Variants in AGBL1 observed in about 807,000 individuals in gnomAD.
The protein encoded by AGBL1 is cytosolic carboxypeptidase 4.
A neutral mutation model predicts 118.9 loss-of-function variants in AGBL1; 130 were observed. The observed-to-expected ratio is 1.09, with a 90% CI of 0.95 to 1.26. AGBL1 has a LOEUF of 1.26. Among genes scored for constraint, AGBL1 ranks in the 50% most tolerant of loss-of-function variants. AGBL1 has a pLI of 0.00. For synonymous variants in AGBL1, 555 were observed against 478.9 expected, an observed-to-expected ratio of 1.16 and a Z score of -2.08; for missense variants, 1,584 against 1,298.1, an observed-to-expected ratio of 1.22 and a Z score of -3.38.
chr15:86,487,734 T>A (rs2082730810), intron 18 of AGBL1, among the ~76,000 whole-genome samples: 1 of 152,106 alleles, frequency 6.6e-6, no homozygotes, highest in East Asian at 1.9e-4. Flanking sequence ...TTTCTTTCAG[T>A]TGTCCAACAA....
chr15:86,385,164 A>T (rs1418004340), intron 17 of AGBL1, among the ~76,000 whole-genome samples: 1 of 152,238 alleles, frequency 6.6e-6, no homozygotes, highest in African/African-American at 2.4e-5. Flanking sequence ...GTCTCACTCA[A>T]TATCTATGTC....
intron 18 of AGBL1, among the ~76,000 whole-genome samples, chr15:86,442,188 T>C (rs2082072059): frequency 6.6e-6 from 1 of 152,180 alleles, no homozygotes; most frequent in Admixed American, 6.5e-5. Context: ...TAAAGGCATA[T>C]GGTCAGGTCA....
chr15:86,769,293 A>G (rs1039183766), intron 22 of AGBL1, among the ~76,000 whole-genome samples: 1 of 151,840 alleles, frequency 6.6e-6, no homozygotes, highest in African/African-American at 2.4e-5. Flanking sequence ...GGGAAAAGGA[A>G]TGAGAGTTCT....
chr15:86,396,341 T>A (rs1180700095), intron 17 of AGBL1, among the ~76,000 whole-genome samples: 1 of 151,728 alleles, frequency 6.6e-6, no homozygotes, highest in African/African-American at 2.4e-5. Flanking sequence ...ATTTCAGCAC[T>A]ATGATACTCC....
chr15:86,384,432 C>T (rs776056125), intron 17 of AGBL1, among the ~76,000 whole-genome samples: 1 of 152,046 alleles, frequency 6.6e-6, no homozygotes, highest in Non-Finnish European at 1.5e-5. Flanking sequence ...TTTCCTGATG[C>T]GATTACACAC....
In AGBL1 at chr15:86,541,616, AAGAG is replaced by A. The variant is rs1231412909; in HGVS notation, c.2686-4370_2686-4367del. ...CTCAAAAAAAAAAAAAAAAAAAAAAAAGAGAGAGAGAGAGAGAGACCCACTGCTC... is the reference window on the plus strand; with the variant it reads ...CTCAAAAAAAAAAAAAAAAAAAAAAAAGAGAGAGAGAGAGACCCACTGCTC... On this transcript the variant is annotated intron_variant, in intron 19 of 22. Coordinates refer to ENST00000614907, the MANE Select transcript of AGBL1 (RefSeq NM_001386094.1). 2.1e-3 allele frequency among the ~76,000 whole-genome samples: 206 copies of A among 97,060 alleles called. 5 individuals carry two copies. Among genetic ancestry groups the A allele is most frequent in the Middle Eastern group, 9.9e-3 (2 of 202 alleles). 63.7% of individuals were successfully genotyped at this position (97,060 alleles called of 152,430 possible).
intron 21 of AGBL1, among the ~76,000 whole-genome samples, chr15:86,580,255 T>C (rs2084155141): frequency 6.6e-6 from 1 of 152,208 alleles, no homozygotes; most frequent in African/African-American, 2.4e-5. Context: ...CACTCCAAAA[T>C]TCTGACTATA....
intron 21 of AGBL1, among the ~76,000 whole-genome samples, chr15:86,564,378 C>A (rs534566152): frequency 6.6e-6 from 1 of 152,254 alleles, no homozygotes; most frequent in South Asian, 2.1e-4. Context: ...TTTATTTCTC[C>A]TTCATTTATG....
At chr15:86,472,413 T>G (rs1023276467) in intron 18 of AGBL1, among the ~76,000 whole-genome samples, 4 of 152,220 alleles carry the variant, frequency 2.6e-5, no homozygotes, top group African/African-American at 7.2e-5. Flanking sequence ...ATTAATTGGT[T>G]CCTCAACAAG....
At chr15:86,130,591 A>G (rs2076806915) in intron 1 of AGBL1, among the ~76,000 whole-genome samples, 1 of 152,200 alleles carries the variant, frequency 6.6e-6, no homozygotes, top group Non-Finnish European at 1.5e-5. Flanking sequence ...TTTTGTAGAA[A>G]CACCTGAGTA....
chr15:86,951,562 G>T (rs941776794), intron 23 of AGBL1, among the ~76,000 whole-genome samples: 5 of 152,280 alleles, frequency 3.3e-5, no homozygotes, highest in South Asian at 2.1e-4. Flanking sequence ...AGATGCAAAA[G>T]ATCATATTAA....
intron 4 of AGBL1, among the ~76,000 whole-genome samples, chr15:86,156,657 T>C (rs2077195530): frequency 6.6e-6 from 1 of 152,196 alleles, no homozygotes; most frequent in Non-Finnish European, 1.5e-5. Context: ...CCCCGCCCTA[T>C]GCTTTTCCCT....
At chr15:86,530,624 A>G (rs1011036896) in intron 19 of AGBL1, among the ~76,000 whole-genome samples, 4 of 151,518 alleles carry the variant, frequency 2.6e-5, no homozygotes, top group African/African-American at 9.7e-5. Context: ...AGACATCTAC[A>G]GAACTCTCCA....
chr15:86,639,680 A>C (rs965133370), intron 21 of AGBL1, among the ~76,000 whole-genome samples: 8 of 152,148 alleles, frequency 5.3e-5, no homozygotes, highest in African/African-American at 1.9e-4. Flanking sequence ...ACAAATGTCC[A>C]CTGACAAAGT....
At chr15:86,651,643 G>A (rs1389578275) in intron 21 of AGBL1, among the ~76,000 whole-genome samples, 4 of 152,274 alleles carry the variant, frequency 2.6e-5, no homozygotes, top group African/African-American at 9.6e-5. Context: ...CGGTGTTCCT[G>A]TTTTCCCACT....
chr15:86,115,179 C>A (rs888895718), intron 1 of AGBL1, among the ~76,000 whole-genome samples: 2 of 152,160 alleles, frequency 1.3e-5, no homozygotes, highest in African/African-American at 2.4e-5. Flanking sequence ...TTTGAGCCAT[C>A]TAGGTAGCAT....
chr15:86,960,189 T>C (rs1410590704), intron 23 of AGBL1, among the ~76,000 whole-genome samples: 1 of 152,100 alleles, frequency 6.6e-6, no homozygotes, highest in Non-Finnish European at 1.5e-5. Flanking sequence ...GTTAAAAAGA[T>C]GTAGACACAG....
chr15:86,242,514 C>G (rs141599794), intron 6 of AGBL1, among the ~76,000 whole-genome samples: 1 of 152,246 alleles, frequency 6.6e-6, no homozygotes, highest in Non-Finnish European at 1.5e-5. Flanking sequence ...GAGCTTCTGG[C>G]TATATGCAAG....
chr15:86,087,540 A>T (rs888386613), intron 1 of AGBL1, among the ~76,000 whole-genome samples: 3 of 152,000 alleles, frequency 2.0e-5, no homozygotes, highest in Non-Finnish European at 2.9e-5. Flanking sequence ...TGTTGGCCAG[A>T]GCTGGTCTGG....
Sources: allele counts gnomAD v4.1 joint callset (sites outside exome capture counted in the v4.1 genomes callset), GRCh38; gene constraint gnomAD v4.1.1; transcripts MANE v1.5; gene names NCBI Gene and HGNC (gene_info 2026-07-23, HGNC 2026-07-21).